COL16A1: variants seen among roughly 807,000 people sequenced by gnomAD.
COL16A1 encodes collagen alpha-1(XVI) chain.
COL16A1 carries 189 observed loss-of-function variants against 266.3 expected under a neutral mutation model. That is an observed-to-expected ratio of 0.71 (90% CI 0.63 to 0.80). The LOEUF (loss-of-function observed/expected upper bound fraction) is 0.80. Ranked by LOEUF, COL16A1 falls within the 30% of genes least tolerant of loss-of-function variation. The probability of loss-of-function intolerance (pLI) is 0.00; values close to 1 mark genes in which losing one functional copy is unlikely to be tolerated. For synonymous variants in COL16A1, 740 were observed against 782.3 expected, an observed-to-expected ratio of 0.95 and a Z score of 0.90; for missense variants, 1,928 against 2,122.4, an observed-to-expected ratio of 0.91 and a Z score of 1.80.
At chr1:31,702,040 G>T (rs1460191814) in intron 2 of COL16A1, 81 bp downstream of exon 2, 4 of 1,599,214 alleles carry the variant, frequency 2.5e-6, no homozygotes. Flanking sequence ...CACATACATG[G>T]TCACATATGT....
rs1028666053 is a variant in COL16A1, at chr1:31,696,271, G to A, written c.865-130C>T. 26 of 748,896 alleles carry A rather than the reference G, an allele frequency of 3.5e-5. No homozygotes were observed. The African/African-American group carries it at 4.2e-4, about 12-fold the overall frequency. The allele number at this position is 748,896 out of a possible 1,614,324, so 46.4% of individuals were successfully genotyped here. ...AGCCTGGCATCTGGCACCTCCTGGG[G>A]CATCAAGGGCCTGCTCAGGCCCCTG... On this transcript the variant is annotated intron_variant, in intron 8 of 70. Coordinates refer to ENST00000373672, the MANE Select transcript of COL16A1 (RefSeq NM_001856.4).
At position 31,688,396 on chromosome 1, in the gene COL16A1, G is replaced by T; in HGVS notation, c.1803+71C>A. On this transcript the variant is annotated intron_variant, in intron 26 of 70. Coordinates refer to ENST00000373672, the MANE Select transcript of COL16A1 (RefSeq NM_001856.4). The surrounding 1 kb of genome is among the most constrained non-coding windows in gnomAD (Gnocchi z 4.9). The stretch of plus-strand genomic sequence containing the variant: ...CTTGTTTATATTACCCTTATTCCCC[G>T]CCCGCACCACTCCTCCCCTGCCTGC... 2 of 1,537,186 alleles carry T rather than the reference G, an allele frequency of 1.3e-6. No homozygotes were observed. Among genetic ancestry groups the T allele is most frequent in the Non-Finnish European group, 1.8e-6 (2 of 1,110,592 alleles).
Position 31,698,532 on chromosome 1 carries a change from T to C in COL16A1, c.341A>G (p.Gln114Arg), listed in dbSNP as rs1240586921. 6.2e-7 allele frequency: 1 copy of C among 1,614,170 alleles called. No homozygotes were observed. Among genetic ancestry groups the C allele is most frequent in the East Asian group, 2.2e-5 (1 of 44,866 alleles). ...LTLLLKKHTH[Q>R]KTWYLFQVTD... The stretch of plus-strand genomic sequence containing the variant: ...CACTTGAAACAGATACCACGTCTTC[T>C]GGTGGGTGTGTTTCTTCAGCAGTAG... The change falls in exon 5 of 71, where the codon CAG becomes CGG. Residue 114 changes from glutamine to arginine, a missense_variant. Physicochemically the swap from Gln to Arg is conservative, Grantham distance 43. This residue lies in a region of COL16A1 where 1,552 missense variants were observed against 1,637.2 expected (regional missense o/e 0.95). Coordinates refer to ENST00000373672, the MANE Select transcript of COL16A1 (RefSeq NM_001856.4). The surrounding 1 kb of genome is among the most constrained non-coding windows in gnomAD (Gnocchi z 4.1).
chr1:31,670,559 G>A lies in COL16A1; in HGVS notation c.3195+43C>T. The stretch of plus-strand genomic sequence containing the variant: ...GACAAGCAAAAGCCACAGAGACCTG[G>A]CTGACGGGGGGGAGGGGAGGTCGAG... On this transcript the variant is annotated intron_variant, in intron 49 of 70. Transcript: ENST00000373672. This position sits in a 1 kb window ranked among gnomAD's most constrained non-coding sequence, Gnocchi z 4.5. 7.4e-7 allele frequency: 1 copy of A among 1,358,810 alleles called. No homozygotes were observed. Among genetic ancestry groups the A allele is most frequent in the Middle Eastern group, 1.9e-4 (1 of 5,292 alleles). The allele number at this position is 1,358,810 out of a possible 1,614,324, so 84.2% of individuals were successfully genotyped here.
Position 31,680,236 on chromosome 1 carries a change from C to G in COL16A1, c.2611-135G>C, listed in dbSNP as rs1050321416. On this transcript the variant is annotated intron_variant, in intron 39 of 70. Coordinates refer to ENST00000373672, the MANE Select transcript of COL16A1 (RefSeq NM_001856.4). ...CCAGGATCTGCCTCTTCTAATGTGC[C>G]CTTAGGCAACCTGTTCAAACTCTCT... The G allele has an allele frequency of 1.3e-5, 17 of 1,285,348 alleles. 1 individual carries two copies. The highest frequency in any genetic ancestry group is 2.6e-5 in the Admixed American group (1 of 38,200). The allele number at this position is 1,285,348 out of a possible 1,614,324, so 79.6% of individuals were successfully genotyped here.
intron 24 of COL16A1, 38 bp from the exon 25 acceptor site, chr1:31,689,009 G>A: frequency 1.2e-6 from 2 of 1,614,030 alleles, no homozygotes; most frequent in Non-Finnish European, 1.7e-6. Context: ...ATGCTTCCAG[G>A]TAGGCAGAGG....
At chr1:31,696,066 C>G in intron 9 of COL16A1, 22 bp downstream of exon 9, 1 of 1,590,576 alleles carries the variant, frequency 6.3e-7, no homozygotes, top group Non-Finnish European at 8.6e-7. Context: ...AGGTAGGCTC[C>G]TCCCCCCACC....
intron 22 of COL16A1, chr1:31,690,115 G>GTC: frequency 1.6e-6 from 1 of 643,924 alleles, no homozygotes; most frequent in Non-Finnish European, 2.6e-6. Flanking sequence ...TGGAAACTTG[G>GTC]GCTAAGAGAG....
At chr1:31,680,498 C>A (rs1219501202) in intron 39 of COL16A1, among the ~76,000 whole-genome samples, 1 of 152,206 alleles carries the variant, frequency 6.6e-6, no homozygotes, top group Non-Finnish European at 1.5e-5. Context: ...CCATGCCCTT[C>A]GCTCGGGAGC....
In COL16A1 at chr1:31,694,164, G is replaced by A. The variant is rs767066330; in HGVS notation, c.988C>T (p.Leu330Phe). Reference protein sequence around the residue: ...VHGARDSNVTLAPSGPKGGKG... With the variant: ...VHGARDSNVTFAPSGPKGGKG... ...CTCACCTTGGGGCCAGAGGGAGCAAGTGTGACCTGAGGGGACAGAGGAGAG... is the reference window on the plus strand; with the variant it reads ...CTCACCTTGGGGCCAGAGGGAGCAAATGTGACCTGAGGGGACAGAGGAGAG... The change falls in exon 12 of 71, where the codon CTT (leucine) becomes TTT (phenylalanine). Residue 330 changes from leucine to phenylalanine, a missense_variant. Transcript: ENST00000373672. 6.3e-7 allele frequency: 1 copy of A among 1,596,102 alleles called. No individual in the cohort carries two copies. The highest frequency in any genetic ancestry group is 1.1e-5 in the South Asian group (1 of 87,686).
At position 31,696,767 on chromosome 1, in the gene COL16A1, C is replaced by G. The variant is rs529310478; in HGVS notation, c.864+196G>C. ...CCATAGGTAGGTGGGCACAGGGCCA[C>G]CCAGTGGTGGCCAGTGGGCTGTCTC... On this transcript the variant is annotated intron_variant, in intron 8 of 70. Transcript: ENST00000373672. Among the ~76,000 whole-genome samples the G allele has an allele frequency of 6.6e-5, 10 of 152,328 alleles. No individual in the cohort carries two copies. The South Asian group carries it at 1.9e-3, about 28-fold the overall frequency.
chr1:31,662,673 C>T lies in COL16A1; in HGVS notation c.3556-15G>A, dbSNP rs1557618945. Reference sequence around the variant, plus strand: ...CCTTCGCTGCCCTGGAAACCAGCGCCGCCCCCCCCCCCCGCCCCACAATAA... The same window carrying T: ...CCTTCGCTGCCCTGGAAACCAGCGCTGCCCCCCCCCCCCGCCCCACAATAA... On this transcript the variant is annotated splice_polypyrimidine_tract_variant and intron_variant, in intron 56 of 70. Transcript: ENST00000373672. 6 of 1,174,560 alleles carry T rather than the reference C, an allele frequency of 5.1e-6. No individual in the cohort carries two copies. The South Asian group carries it at 5.6e-5, about 11-fold the overall frequency. 72.8% of individuals were successfully genotyped at this position (1,174,560 alleles called of 1,614,324 possible). A position where few individuals can be genotyped will look rare whatever the true frequency, so the allele number is the denominator to read the frequency against.
chr1:31,697,064 G>A lies in COL16A1; in HGVS notation c.763C>T (p.Arg255Cys), dbSNP rs775809264. ...AGCPPETSKARRDTQSNELIE... is the reference protein window; with the variant it reads ...AGCPPETSKACRDTQSNELIE... ...AGCTCATTGCTCTGGGTGTCCCGGC[G>A]GGCCTTGGAGGTCTCTGGGGGGCAC... Residue 255 changes from arginine to cysteine, a missense_variant, in exon 8 of 71, where the codon CGC (arginine) becomes TGC (cysteine). Arg to Cys is a radical substitution (Grantham distance 180). Coordinates refer to ENST00000373672, the MANE Select transcript of COL16A1 (RefSeq NM_001856.4). The surrounding 1 kb of genome is among the most constrained non-coding windows in gnomAD (Gnocchi z 4.2). 2.4e-5 allele frequency: 39 copies of A among 1,614,016 alleles called. No individual in the cohort carries two copies. The highest frequency in any genetic ancestry group is 3.1e-5 in the Non-Finnish European group (36 of 1,180,030).
chr1:31,686,419 C>A, intron 26 of COL16A1, 140 bp from the exon 27 acceptor site: 1 of 1,156,444 alleles, frequency 8.6e-7, no homozygotes, highest in East Asian at 2.5e-5. Context: ...AGGGCTTTCT[C>A]CAAGGTCCCC....
At chr1:31,696,721 A>G (rs1644517813) in intron 8 of COL16A1, among the ~76,000 whole-genome samples, 1 of 152,218 alleles carries the variant, frequency 6.6e-6, no homozygotes, top group Non-Finnish European at 1.5e-5. Flanking sequence ...TGCCAGAGCT[A>G]GATGGTACCA....
At position 31,683,844 on chromosome 1, in the gene COL16A1, C is replaced by T. The variant is rs538274754; in HGVS notation, c.2338-96G>A. 3.7e-6 allele frequency: 6 copies of T among 1,605,634 alleles called. No homozygotes were observed. In the African/African-American group the frequency reaches 5.3e-5, roughly 14 times the overall value. ...TCTCCTCCAGCTTCTTCCTGCCCTGCACCCTGCCTCCATTTCCCACTCCAG... is the reference window on the plus strand; with the variant it reads ...TCTCCTCCAGCTTCTTCCTGCCCTGTACCCTGCCTCCATTTCCCACTCCAG... On this transcript the variant is annotated intron_variant, in intron 33 of 70. Transcript: ENST00000373672.
intron 44 of COL16A1, among the ~76,000 whole-genome samples, chr1:31,674,339 C>G (rs1642995867): frequency 6.6e-6 from 1 of 152,198 alleles, no homozygotes; most frequent in Admixed American, 6.5e-5. Flanking sequence ...TGAAGGCAAC[C>G]TGGGGAATTA....
chr1:31,669,329 A>G (rs984843940), intron 49 of COL16A1, among the ~76,000 whole-genome samples: 1 of 151,996 alleles, frequency 6.6e-6, no homozygotes, highest in South Asian at 2.1e-4. Context: ...CCCCACCCCA[A>G]GCAAAAATCA....
At chr1:31,701,246 G>A (rs980722380) in intron 2 of COL16A1, 4 of 931,670 alleles carry the variant, frequency 4.3e-6, no homozygotes, top group Non-Finnish European at 5.1e-6. Context: ...CCTTGGCAAT[G>A]GGCCCAGATT....
Sources: allele counts gnomAD v4.1 joint callset (sites outside exome capture counted in the v4.1 genomes callset), GRCh38; gene constraint gnomAD v4.1.1; regional missense constraint gnomAD v4.1.1; non-coding constraint Gnocchi (gnomAD v3.1); transcripts MANE v1.5; gene names NCBI Gene and HGNC (gene_info 2026-07-23, HGNC 2026-07-21).